Variants in STAT3 observed in about 807,000 individuals in gnomAD.
STAT3 encodes the protein DNA-binding protein APRF.
STAT3 carries 7 observed loss-of-function variants against 114.3 expected under a neutral mutation model. The observed-to-expected ratio is 0.06, with a 90% CI of 0.03 to 0.11. The LOEUF is 0.11. Ranked by LOEUF, STAT3 falls within the 10% of genes least tolerant of loss-of-function variation. The probability of loss-of-function intolerance (pLI) is 1.00; values close to 1 mark genes in which losing one functional copy is unlikely to be tolerated. For missense variants in STAT3, 364 were observed against 960.9 expected (o/e 0.38, Z 8.21); for synonymous variants, 331 against 354.5 (o/e 0.93, Z 0.74).
At chr17:42,331,328 T>A in intron 11 of STAT3, 144 bp downstream of exon 11, 1 of 716,862 alleles carries the variant, frequency 1.4e-6, no homozygotes, top group Non-Finnish European at 2.4e-6. Flanking sequence ...TAAATGACAA[T>A]GCACCCCAAG....
At chr17:42,370,656 C>T (rs1475417760) in intron 1 of STAT3, among the ~76,000 whole-genome samples, 1 of 151,352 alleles carries the variant, frequency 6.6e-6, no homozygotes, top group Admixed American at 6.6e-5. Context: ...GAGACAGAAT[C>T]CTGCTCTGTC....
chr17:42,360,428 T>G (rs2083456488), intron 1 of STAT3, among the ~76,000 whole-genome samples: 1 of 151,874 alleles, frequency 6.6e-6, no homozygotes, highest in South Asian at 2.1e-4. Flanking sequence ...GTGGATCACC[T>G]GAGGTCGGGA....
intron 21 of STAT3, among the ~76,000 whole-genome samples, chr17:42,322,081 C>T (rs1342307943): frequency 6.6e-6 from 1 of 152,150 alleles, no homozygotes; most frequent in Admixed American, 6.5e-5. Flanking sequence ...GGAGCAGGAA[C>T]TACACTACTC....
Position 42,315,688 on chromosome 17 carries a change from G to A in STAT3, c.*57C>T, listed in dbSNP as rs2144605443. On this transcript the variant is annotated 3_prime_UTR_variant, in exon 24 of 24. Coordinates refer to ENST00000264657, the MANE Select transcript of STAT3 (RefSeq NM_139276.3). ...CTGGGGTTTGGCTGTGTGAGGGGTG[G>A]CAGAATGCAGGTAGGCGCCTCAGTC... is the stretch of plus-strand genomic sequence containing the variant. The A allele has an allele frequency of 6.4e-7, 1 of 1,554,910 alleles. No homozygotes were observed.
In STAT3 at chr17:42,374,137, G is replaced by C. The variant is rs1349567450; in HGVS notation, c.-24+14142C>G. 3 of 152,294 alleles carry C rather than the reference G, an allele frequency of 2.0e-5. No homozygotes were observed. The East Asian group carries it at 5.8e-4, about 29-fold the overall frequency. The allele number at this position is 152,294 out of a possible 1,614,324, so 9.4% of individuals were successfully genotyped here. On this transcript the variant is annotated intron_variant, in intron 1 of 23. Coordinates refer to ENST00000264657, the MANE Select transcript of STAT3 (RefSeq NM_139276.3). ...ATTTTGTCCTTCAGCTCCCACACAA[G>C]AGAAGGTTAAGGAAATTCCACTACT...
At chr17:42,374,901 AT>A (rs1249714311) in intron 1 of STAT3, among the ~76,000 whole-genome samples, 1 of 152,210 alleles carries the variant, frequency 6.6e-6, no homozygotes, top group Non-Finnish European at 1.5e-5. Flanking sequence ...TATGCAAACA[AT>A]TAACGAGAAT....
In STAT3 at chr17:42,314,703, A is replaced by C. The variant is rs1241961657; in HGVS notation, c.*1042T>G. 1 of 222,628 alleles carries C rather than the reference A, an allele frequency of 4.5e-6. No individual in the cohort carries two copies. The highest frequency in any genetic ancestry group is 9.0e-6 in the Non-Finnish European group (1 of 111,252). The allele number at this position is 222,628 out of a possible 1,614,324, so 13.8% of individuals were successfully genotyped here. ...AGTCTAAAATGCTTAGATTCTCCTT[A>C]AACCTTCCTATTTCAACACCAAAGG... is the stretch of plus-strand genomic sequence containing the variant. On this transcript the variant is annotated 3_prime_UTR_variant, in exon 24 of 24. Transcript: ENST00000264657.
chr17:42,322,053 G>T (rs1261674215), intron 21 of STAT3, among the ~76,000 whole-genome samples: 5 of 151,990 alleles, frequency 3.3e-5, no homozygotes, highest in Non-Finnish European at 5.9e-5. Context: ...CCCCTCTTTA[G>T]ACTCATGCAC....
chr17:42,348,731 G>A (rs1196768377), intron 1 of STAT3, among the ~76,000 whole-genome samples, 192 bp from the exon 2 acceptor site: 1 of 151,922 alleles, frequency 6.6e-6, no homozygotes, highest in East Asian at 1.9e-4. Context: ...TTTGCCTGTT[G>A]CCCAGGGTGG....
chr17:42,329,348 C>A lies in STAT3; in HGVS notation c.1281+62G>T, dbSNP rs1249725489. Reference sequence around the variant, plus strand: ...TCTAATTCTGGGGATTAAGAAGGATCTTTACCCCTCTCTCCCTCAAGGAAA... The same window carrying A: ...TCTAATTCTGGGGATTAAGAAGGATATTTACCCCTCTCTCCCTCAAGGAAA... On this transcript the variant is annotated intron_variant, in intron 14 of 23. Transcript: ENST00000264657. 1.9e-6 allele frequency: 3 copies of A among 1,603,582 alleles called. No homozygotes were observed. The Admixed American group carries it at 5.0e-5, about 27-fold the overall frequency.
chr17:42,332,644 A>G (rs555724172), intron 10 of STAT3, among the ~76,000 whole-genome samples: 1 of 150,802 alleles, frequency 6.6e-6, no homozygotes, highest in South Asian at 2.1e-4. Context: ...GAGTTTTGAG[A>G]CCAGCCTGGC....
chr17:42,359,699 TG>T (rs1484060087), intron 1 of STAT3, among the ~76,000 whole-genome samples: 4 of 152,224 alleles, frequency 2.6e-5, no homozygotes, highest in African/African-American at 9.6e-5. Flanking sequence ...ATTTCATAAT[TG>T]TAACAACCCT....
intron 1 of STAT3, among the ~76,000 whole-genome samples, chr17:42,384,132 A>ATTTT (rs371933640): frequency 4.4e-5 from 6 of 134,970 alleles, no homozygotes; most frequent in Non-Finnish European, 6.2e-5. Flanking sequence ...TTATTTATTT[A>ATTTT]TTTTTTTTTT....
At chr17:42,368,481 A>T (rs897619680) in intron 1 of STAT3, among the ~76,000 whole-genome samples, 4 of 152,152 alleles carry the variant, frequency 2.6e-5, no homozygotes, top group African/African-American at 9.7e-5. Flanking sequence ...GTTTTTTGAG[A>T]CAAGGTCTCG....
intron 11 of STAT3, among the ~76,000 whole-genome samples, 198 bp from the exon 12 acceptor site, chr17:42,329,974 G>A (rs917200646): frequency 2.0e-5 from 3 of 152,178 alleles, no homozygotes; most frequent in African/African-American, 7.2e-5. Context: ...CATAGGAAGG[G>A]GAACCTATGT....
At chr17:42,327,471 T>C (rs1727130901) in intron 14 of STAT3, among the ~76,000 whole-genome samples, 1 of 152,208 alleles carries the variant, frequency 6.6e-6, no homozygotes, top group South Asian at 2.1e-4. Context: ...CTGCGGAGTA[T>C]TCCATTGTGT....
intron 1 of STAT3, among the ~76,000 whole-genome samples, chr17:42,354,725 T>G (rs894412612): frequency 2.7e-5 from 4 of 145,710 alleles, no homozygotes; most frequent in African/African-American, 1.0e-4. Context: ...GAGAATCGCT[T>G]GAACCTGGGA....
At chr17:42,366,214 C>T (rs1470652396) in intron 1 of STAT3, among the ~76,000 whole-genome samples, 1 of 152,178 alleles carries the variant, frequency 6.6e-6, no homozygotes, top group Non-Finnish European at 1.5e-5. Context: ...CCGGCTTCTC[C>T]TCCAGTCTCC....
At chr17:42,380,177 C>T (rs1184506911) in intron 1 of STAT3, among the ~76,000 whole-genome samples, 1 of 151,910 alleles carries the variant, frequency 6.6e-6, no homozygotes, top group Admixed American at 6.6e-5. Flanking sequence ...GCTGGGACTA[C>T]AGGCACCCGC....
Sources: gnomAD v4.1 joint callset for allele counts (sites outside exome capture counted in the v4.1 genomes callset) on GRCh38, gnomAD v4.1.1 for gene constraint, MANE v1.5 for transcripts, NCBI Gene and HGNC (gene_info 2026-07-23, HGNC 2026-07-21) for gene names.